The following TRAK2 variants were observed in gnomAD, a reference collection of about 807,000 sequenced individuals.
The protein encoded by TRAK2 is trafficking kinesin-binding protein 2.
In TRAK2, 81 loss-of-function variants were observed where a neutral mutation model predicts 104.6. The observed-to-expected ratio is 0.77, with a 90% CI of 0.65 to 0.93. The LOEUF is 0.93. TRAK2 is among the 40% of genes least tolerant of loss of function. TRAK2 has a pLI of 0.00. For synonymous variants in TRAK2, 406 were observed against 394.4 expected (o/e 1.03, Z -0.35); for missense variants, 1,002 against 1,089.0 (o/e 0.92, Z 1.12).
rs560487832 is a variant in TRAK2 at position 201,388,389 on chromosome 2, GA to G, written c.1398-389del. The stretch of plus-strand genomic sequence containing the variant: ...GTACCATTATTTTATGTATCATAAA[GA>G]AGGAAAAAAACGCTACGGATTAAAC... On this transcript the variant is annotated intron_variant, in intron 12 of 15. Coordinates refer to ENST00000332624, the MANE Select transcript of TRAK2 (RefSeq NM_015049.3). 1.0e-3 allele frequency among the ~76,000 whole-genome samples: 155 copies of G among 151,948 alleles called. 2 individuals carry two copies. Among genetic ancestry groups the G allele is most frequent in the African/African-American group, 3.6e-3 (148 of 41,466 alleles).
At position 201,380,364 on chromosome 2, in the gene TRAK2, G is replaced by A; in HGVS notation, c.*179C>T. 3.1e-6 allele frequency: 2 copies of A among 654,532 alleles called. No homozygotes were observed. The highest frequency in any genetic ancestry group is 2.6e-6 in the Non-Finnish European group (1 of 384,332). The allele number at this position is 654,532 out of a possible 1,614,324, so 40.5% of individuals were successfully genotyped here. ...GCCCATTCATTTATACTTTCAATTT[G>A]CCCGACTTCCTCCATTAGGGCTCAT... On this transcript the variant is annotated 3_prime_UTR_variant, in exon 16 of 16. Transcript: ENST00000332624.
chr2:201,420,667 A>G lies in TRAK2; in HGVS notation c.-160T>C, dbSNP rs910076883. ...GAGTCAAATGACATCCGTAGCAACG[A>G]GCACTCTCATGTGATTATCATACTT... On this transcript the variant is annotated 5_prime_UTR_variant, in exon 2 of 16. Coordinates refer to ENST00000332624, the MANE Select transcript of TRAK2 (RefSeq NM_015049.3). 4.9e-6 allele frequency: 3 copies of G among 608,576 alleles called. No individual in the cohort carries two copies. The Admixed American group carries it at 8.3e-5, about 17-fold the overall frequency. 37.7% of individuals were successfully genotyped at this position (608,576 alleles called of 1,614,324 possible). A position where few individuals can be genotyped will look rare whatever the true frequency, so the allele number is the denominator to read the frequency against.
chr2:201,450,595 G>T, intron 1 of TRAK2, among the ~76,000 whole-genome samples: 1 of 152,188 alleles, frequency 6.6e-6, no homozygotes, highest in East Asian at 1.9e-4. Flanking sequence ...AAGATCTAAA[G>T]GTCGGGAAGA....
intron 2 of TRAK2, chr2:201,413,042 T>G: frequency 1.3e-6 from 1 of 788,762 alleles, no homozygotes; most frequent in Non-Finnish European, 2.3e-6. Context: ...AGTTAAGTGT[T>G]GGACTCCTCA....
At chr2:201,388,393 GA>G (rs917521848) in intron 12 of TRAK2, among the ~76,000 whole-genome samples, 10 of 151,612 alleles carry the variant, frequency 6.6e-5, no homozygotes, top group South Asian at 2.1e-4. Flanking sequence ...CATAAAGAAG[GA>G]AAAAAACGCT....
rs1327747590 is a variant in TRAK2 at position 201,378,149 on chromosome 2, C to T, written c.*2394G>A. ...ACAGGATTCCTTTCTAGAGACATTA[C>T]ACAACAGTATACACTTAAGGTGTTT... is the stretch of plus-strand genomic sequence containing the variant. On this transcript the variant is annotated 3_prime_UTR_variant, in exon 16 of 16. Transcript: ENST00000332624. 2.6e-5 allele frequency: 4 copies of T among 152,100 alleles called. No homozygotes were observed. Among genetic ancestry groups the T allele is most frequent in the Non-Finnish European group, 4.4e-5 (3 of 68,020 alleles). The allele number at this position is 152,100 out of a possible 1,614,324, so 9.4% of individuals were successfully genotyped here.
rs1198242056 is a variant in TRAK2, at chr2:201,380,479, T to C, written c.*64A>G. 6.0e-6 allele frequency: 9 copies of C among 1,491,262 alleles called. No homozygotes were observed. The highest frequency in any genetic ancestry group is 1.4e-5 in the African/African-American group (1 of 72,470). The allele number at this position is 1,491,262 out of a possible 1,614,324, so 92.4% of individuals were successfully genotyped here. On this transcript the variant is annotated 3_prime_UTR_variant, in exon 16 of 16. Coordinates refer to ENST00000332624, the MANE Select transcript of TRAK2 (RefSeq NM_015049.3). ...TTCTCTCAAGTCAGACCAGACCACA[T>C]GTTTCAGTGCATATCTATCCTTCAT... is the stretch of plus-strand genomic sequence containing the variant.
chr2:201,407,453 G>C lies in TRAK2; in HGVS notation c.236C>G (p.Ala79Gly). Residue 79 changes from alanine to glycine, a missense_variant, in exon 3 of 16, where the codon GCA (alanine) becomes GGA (glycine). Transcript: ENST00000332624. ...WTQSPHQRQHASDALSPVLAE... is the reference protein window; with the variant it reads ...WTQSPHQRQHGSDALSPVLAE... ...AAGGACTGGAGAGAGAGCATCAGAT[G>C]CATGCTGCCGCTGGTGTGGAGACTG... 6.2e-7 allele frequency: 1 copy of C among 1,614,092 alleles called. No individual in the cohort carries two copies. The highest frequency in any genetic ancestry group is 8.5e-7 in the Non-Finnish European group (1 of 1,179,952).
intron 2 of TRAK2, chr2:201,412,638 CAAT>C: frequency 6.4e-7 from 1 of 1,565,128 alleles, no homozygotes; most frequent in South Asian, 1.1e-5. Flanking sequence ...TTGGAAGACA[CAAT>C]GAAGGTAAAT....
intron 10 of TRAK2, 116 bp downstream of exon 10, chr2:201,392,793 C>G: frequency 9.6e-7 from 1 of 1,042,326 alleles, no homozygotes; most frequent in Non-Finnish European, 1.3e-6. Context: ...AGTCCAGAAA[C>G]AAGGAAAAAA....
chr2:201,402,790 T>C (rs906777338), intron 3 of TRAK2, among the ~76,000 whole-genome samples: 2 of 152,110 alleles, frequency 1.3e-5, no homozygotes, highest in Admixed American at 1.3e-4. Flanking sequence ...TAAACCCAAA[T>C]GTAATATAGA....
chr2:201,413,383 C>T (rs1951665059), intron 2 of TRAK2: 2 of 644,832 alleles, frequency 3.1e-6, no homozygotes, highest in Non-Finnish European at 5.2e-6. Context: ...CTCTTTTTCC[C>T]CACCCCCCTA....
At chr2:201,417,241 C>CAAAAAAAAAAAAAAAAAAAAAAG (rs61702415) in intron 2 of TRAK2, among the ~76,000 whole-genome samples, 2 of 88,428 alleles carry the variant, frequency 2.3e-5, no homozygotes, top group African/African-American at 4.7e-5. Context: ...GAAGACATTG[C>CAAAAAAAAAAAAAAAAAAAAAAG]AAAAAAAAAA....
chr2:201,393,174 C>T, intron 9 of TRAK2, 128 bp from the exon 10 acceptor site: 1 of 852,052 alleles, frequency 1.2e-6, no homozygotes, highest in Non-Finnish European at 1.7e-6. Context: ...AATATCATTT[C>T]AATACAAAGA....
In TRAK2 at chr2:201,440,558, C is replaced by T. The variant is rs530259770; in HGVS notation, c.-200+10792G>A. Among the ~76,000 whole-genome samples, 17 of 152,310 alleles carry T rather than the reference C, an allele frequency of 1.1e-4. No homozygotes were observed. In the South Asian group the frequency reaches 3.5e-3, roughly 32 times the overall value. ...TAGCCTAGCTATGAACATGAACACA[C>T]TCTGTCCTTTCTTAACTGTCTCCCT... On this transcript the variant is annotated intron_variant, in intron 1 of 15. Coordinates refer to ENST00000332624, the MANE Select transcript of TRAK2 (RefSeq NM_015049.3).
intron 3 of TRAK2, among the ~76,000 whole-genome samples, chr2:201,403,292 A>G (rs1951565018): frequency 6.6e-6 from 1 of 152,214 alleles, no homozygotes; most frequent in South Asian, 2.1e-4. Context: ...ACTTTCTTGT[A>G]TGAGGAATCT....
intron 2 of TRAK2, chr2:201,413,218 C>T: frequency 4.8e-6 from 7 of 1,458,004 alleles, no homozygotes; most frequent in South Asian, 1.1e-5. Flanking sequence ...ACATCAAATT[C>T]TCTAGTGACA....
chr2:201,389,736 G>A lies in TRAK2; in HGVS notation c.1193+65C>T, dbSNP rs1382615273. The A allele has an allele frequency of 4.2e-6, 6 of 1,416,400 alleles. No individual in the cohort carries two copies. The Admixed American group carries it at 1.2e-4, about 28-fold the overall frequency. 87.7% of individuals were successfully genotyped at this position (1,416,400 alleles called of 1,614,324 possible). A position where few individuals can be genotyped will look rare whatever the true frequency, so the allele number is the denominator to read the frequency against. On this transcript the variant is annotated intron_variant, in intron 11 of 15. Coordinates refer to ENST00000332624, the MANE Select transcript of TRAK2 (RefSeq NM_015049.3). ...GAATCTCGTAATACTTGCCACTTTGGATTGTGGCTTCTTTTTAATTTCTAT... is the reference window on the plus strand; with the variant it reads ...GAATCTCGTAATACTTGCCACTTTGAATTGTGGCTTCTTTTTAATTTCTAT...
At chr2:201,425,278 AT>A (rs1951778079) in intron 1 of TRAK2, among the ~76,000 whole-genome samples, 1 of 152,252 alleles carries the variant, frequency 6.6e-6, no homozygotes, top group African/African-American at 2.4e-5. Flanking sequence ...TTCCTTCCAC[AT>A]TTACATACTT....
Sources: gnomAD v4.1 joint callset for allele counts (sites outside exome capture counted in the v4.1 genomes callset) on GRCh38, gnomAD v4.1.1 for gene constraint, MANE v1.5 for transcripts, NCBI Gene and HGNC (gene_info 2026-07-23, HGNC 2026-07-21) for gene names.